The following DHODH variants were observed in gnomAD, a reference collection of about 807,000 sequenced individuals.
DHODH encodes dihydroorotate dehydrogenase (quinone).
A neutral mutation model predicts 39.7 loss-of-function variants in DHODH; 30 were observed. The observed-to-expected ratio is 0.76, with a 90% CI of 0.57 to 1.02. The LOEUF is 1.02. DHODH is among the 50% of genes least tolerant of loss of function. The pLI, the probability that DHODH is intolerant of heterozygous loss-of-function variation, is 0.00. For synonymous variants in DHODH, 222 were observed against 213.8 expected, an observed-to-expected ratio of 1.04 and a Z score of -0.34; for missense variants, 531 against 520.8, an observed-to-expected ratio of 1.02 and a Z score of -0.19.
chr16:72,013,740 C>T (rs2041110001), intron 2 of DHODH: 1 of 152,742 alleles, frequency 6.5e-6, no homozygotes, highest in Non-Finnish European at 1.5e-5. Flanking sequence ...GGAGGAAGGC[C>T]CCTACACATC....
chr16:72,018,439 G>T (rs138798463), intron 4 of DHODH, among the ~76,000 whole-genome samples: 4 of 152,218 alleles, frequency 2.6e-5, no homozygotes, highest in African/African-American at 9.7e-5. Context: ...ACCAGACCCC[G>T]CTGTACTGCA....
In DHODH at chr16:72,023,319, G is replaced by C. The variant is rs774386981; in HGVS notation, c.973+1G>C. ...CGGGAGATGTATGCACTCACCCAAGGCAAGGTTTCCCGTGTTTGTGTCTTC... is the reference window on the plus strand; with the variant it reads ...CGGGAGATGTATGCACTCACCCAAGCCAAGGTTTCCCGTGTTTGTGTCTTC... On this transcript the variant is annotated splice_donor_variant, in intron 7 of 8. Coordinates refer to ENST00000219240, the MANE Select transcript of DHODH (RefSeq NM_001361.5). LOFTEE classifies it high-confidence loss of function. The C allele has an allele frequency of 1.2e-6, 2 of 1,614,024 alleles. No individual in the cohort carries two copies. Among genetic ancestry groups the C allele is most frequent in the East Asian group, 4.5e-5 (2 of 44,896 alleles).
chr16:72,026,923 T>TG lies in DHODH; in HGVS notation c.*2727dup, dbSNP rs1366211925. 1 of 152,874 alleles carries TG rather than the reference T, an allele frequency of 6.5e-6. No homozygotes were observed. Among genetic ancestry groups the TG allele is most frequent in the African/African-American group, 2.4e-5 (1 of 40,906 alleles). 9.5% of individuals were successfully genotyped at this position (152,874 alleles called of 1,614,324 possible). ...CTTCTGCCTCAGCCTCCCAAGTAGC[T>TG]GGGATTACAGGTGCCCACTACCACA... On this transcript the variant is annotated 3_prime_UTR_variant, in exon 9 of 9. Transcript: ENST00000219240.
At chr16:72,009,049 T>C in intron 1 of DHODH, 1 of 1,411,564 alleles carries the variant, frequency 7.1e-7, no homozygotes, top group Non-Finnish European at 9.2e-7. Context: ...TTTTTGAGCC[T>C]GGCACAGGGG....
At chr16:72,015,730 T>G (rs564735906) in intron 3 of DHODH, 71 of 985,352 alleles carry the variant, frequency 7.2e-5, no homozygotes, top group Non-Finnish European at 8.4e-5. Flanking sequence ...TATATTTGCT[T>G]AACATTCAGC....
rs372050678 is a variant in DHODH, at chr16:72,020,208, G to A, written c.518-916G>A. Among the ~76,000 whole-genome samples the A allele has an allele frequency of 8.0e-5, 12 of 150,928 alleles. No individual in the cohort carries two copies. The South Asian group carries it at 1.7e-3, about 21-fold the overall frequency. ...GGAGAATTGCTTGAATTCAGGGGACGGAGGTTGCAGTGAGCCAAGATTGTG... is the reference window on the plus strand; with the variant it reads ...GGAGAATTGCTTGAATTCAGGGGACAGAGGTTGCAGTGAGCCAAGATTGTG... On this transcript the variant is annotated intron_variant, in intron 4 of 8. Coordinates refer to ENST00000219240, the MANE Select transcript of DHODH (RefSeq NM_001361.5).
At chr16:72,017,748 T>TA (rs1384089004) in intron 4 of DHODH, among the ~76,000 whole-genome samples, 5 of 128,574 alleles carry the variant, frequency 3.9e-5, no homozygotes, top group South Asian at 5.4e-4. Context: ...CCCATTTCTC[T>TA]AAAAAAACCA....
intron 1 of DHODH, among the ~76,000 whole-genome samples, chr16:72,009,487 G>C (rs1375677246): frequency 5.3e-5 from 7 of 131,412 alleles, no homozygotes; most frequent in African/African-American, 2.0e-4. Flanking sequence ...TCCGGCCTGG[G>C]CGACAGAGCG....
chr16:72,013,480 T>TG (rs955030785), intron 2 of DHODH: 1 of 152,218 alleles, frequency 6.6e-6, no homozygotes, highest in African/African-American at 2.4e-5. Flanking sequence ...GGCCCACACT[T>TG]GCAGCAGCTC....
At chr16:72,022,821 T>C (rs2041235392) in intron 6 of DHODH, among the ~76,000 whole-genome samples, 1 of 151,910 alleles carries the variant, frequency 6.6e-6, no homozygotes, top group Non-Finnish European at 1.5e-5. Flanking sequence ...CATAGGAGAG[T>C]AGTGGAAACA....
At chr16:72,017,770 CTTTTTTTT>C (rs71153696) in intron 4 of DHODH, among the ~76,000 whole-genome samples, 1 of 103,800 alleles carries the variant, frequency 9.6e-6, no homozygotes, top group African/African-American at 4.4e-5. Flanking sequence ...AAACAACATG[CTTTTTTTT>C]TTTTTTTTTT....
intron 2 of DHODH, among the ~76,000 whole-genome samples, chr16:72,012,767 A>T (rs1415456321): frequency 6.6e-6 from 1 of 152,190 alleles, no homozygotes; most frequent in Non-Finnish European, 1.5e-5. Context: ...TCACTCAGCC[A>T]CGTGTTCAGC....
At chr16:72,014,819 C>G in intron 3 of DHODH, 147 bp downstream of exon 3, 1 of 818,740 alleles carries the variant, frequency 1.2e-6, no homozygotes, top group Non-Finnish European at 2.0e-6. Flanking sequence ...TGTTCAGCAT[C>G]TACTATGTGC....
At position 72,016,936 on chromosome 16, in the gene DHODH, T is replaced by C. The variant is rs184282777; in HGVS notation, c.435-88T>C. 1.7e-4 allele frequency: 219 copies of C among 1,271,720 alleles called. No homozygotes were observed. In the African/African-American group the frequency reaches 2.8e-3, roughly 16 times the overall value. 78.8% of individuals were successfully genotyped at this position (1,271,720 alleles called of 1,614,324 possible). On this transcript the variant is annotated intron_variant, in intron 3 of 8. Transcript: ENST00000219240. ...GTAAGAACTGACTGTGATTTTTTTT[T>C]TTCTCTTGTTTGAAAAAGTCCTAAG... is the stretch of plus-strand genomic sequence containing the variant.
At chr16:72,012,750 C>G (rs1176477863) in intron 2 of DHODH, among the ~76,000 whole-genome samples, 3 of 152,184 alleles carry the variant, frequency 2.0e-5, no homozygotes, top group Admixed American at 1.3e-4. Context: ...AGCATCGTGT[C>G]CCAGCCTCAC....
At chr16:72,021,766 C>G (rs927417934) in intron 5 of DHODH, among the ~76,000 whole-genome samples, 2 of 152,176 alleles carry the variant, frequency 1.3e-5, no homozygotes, top group African/African-American at 2.4e-5. Flanking sequence ...GAATTTGAGA[C>G]CAGCCTGGGC....
In DHODH at chr16:72,025,074, C is replaced by G. The variant is rs1486658184; in HGVS notation, c.*875C>G. On this transcript the variant is annotated 3_prime_UTR_variant, in exon 9 of 9. Coordinates refer to ENST00000219240, the MANE Select transcript of DHODH (RefSeq NM_001361.5). ...ATTTATTATTGCTGAGTCATTGGTG[C>G]CTTATTCTTCAGTGTTTCAGTCTGT... The G allele has an allele frequency of 1.3e-5, 2 of 152,186 alleles. No individual in the cohort carries two copies. The highest frequency in any genetic ancestry group is 2.4e-5 in the African/African-American group (1 of 41,422). 9.4% of individuals were successfully genotyped at this position (152,186 alleles called of 1,614,324 possible). A position where few individuals can be genotyped will look rare whatever the true frequency, so the allele number is the denominator to read the frequency against.
rs1485938525 is a variant in DHODH at position 72,025,496 on chromosome 16, G to C, written c.*1297G>C. The C allele has an allele frequency of 6.6e-6, 1 of 152,250 alleles. No individual in the cohort carries two copies. The highest frequency in any genetic ancestry group is 1.5e-5 in the Non-Finnish European group (1 of 68,058). 9.4% of individuals were successfully genotyped at this position (152,250 alleles called of 1,614,324 possible). A position where few individuals can be genotyped will look rare whatever the true frequency, so the allele number is the denominator to read the frequency against. On this transcript the variant is annotated 3_prime_UTR_variant, in exon 9 of 9. Coordinates refer to ENST00000219240, the MANE Select transcript of DHODH (RefSeq NM_001361.5). Reference sequence around the variant, plus strand: ...GTGGGGTCTGTTTACCCAGTCCCCTGTTGGTGATCACATCGCTAACTTCCG... The same window carrying C: ...GTGGGGTCTGTTTACCCAGTCCCCTCTTGGTGATCACATCGCTAACTTCCG...
intron 3 of DHODH, chr16:72,015,824 CCT>C: frequency 1.5e-5 from 15 of 985,294 alleles, no homozygotes; most frequent in Non-Finnish European, 1.8e-5. Context: ...TGCTCTGAGC[CCT>C]GTGTGTGCGG....
Sources: gnomAD v4.1 joint callset for allele counts (sites outside exome capture counted in the v4.1 genomes callset) on GRCh38, gnomAD v4.1.1 for gene constraint, MANE v1.5 for transcripts, NCBI Gene and HGNC (gene_info 2026-07-23, HGNC 2026-07-21) for gene names.